PCGF3: variants seen among roughly 807,000 people sequenced by gnomAD.
The protein encoded by PCGF3 is polycomb group RING finger protein 3.
PCGF3 carries 7 observed loss-of-function variants against 33.1 expected under a neutral mutation model. That is an observed-to-expected ratio of 0.21 (90% CI 0.12 to 0.40). PCGF3 has a LOEUF of 0.40. Among genes scored for constraint, PCGF3 ranks in the 10% least tolerant of loss-of-function variants. PCGF3 has a pLI of 1.00. For synonymous variants in PCGF3, 153 were observed against 121.3 expected (o/e 1.26, Z -1.72); for missense variants, 211 against 313.3 (o/e 0.67, Z 2.46).
At chr4:714,901 G>A (rs954293145) in intron 1 of PCGF3, among the ~76,000 whole-genome samples, 1 of 152,266 alleles carries the variant, frequency 6.6e-6, no homozygotes, top group Non-Finnish European at 1.5e-5. Flanking sequence ...TAACAGAACT[G>A]GGCGTCGGTT....
intron 1 of PCGF3, among the ~76,000 whole-genome samples, chr4:723,115 G>A (rs1477322317): frequency 3.7e-5 from 5 of 134,124 alleles, no homozygotes; most frequent in Admixed American, 2.3e-4. Context: ...TCGCGTCATC[G>A]CCGTCCGTGC....
At chr4:753,580 T>C (rs962338695) in intron 8 of PCGF3, among the ~76,000 whole-genome samples, 1 of 150,570 alleles carries the variant, frequency 6.6e-6, no homozygotes, top group Non-Finnish European at 1.5e-5. Flanking sequence ...GAGGCAGAGC[T>C]TGCAGTGAGC....
intron 8 of PCGF3, among the ~76,000 whole-genome samples, chr4:752,588 G>C (rs1385470618): frequency 6.6e-6 from 1 of 152,196 alleles, no homozygotes; most frequent in Non-Finnish European, 1.5e-5. Flanking sequence ...GGAGTGAGGT[G>C]GGGGACGGGC....
At chr4:738,169 G>A (rs1432188536) in intron 6 of PCGF3, among the ~76,000 whole-genome samples, 2 of 152,244 alleles carry the variant, frequency 1.3e-5, no homozygotes, top group East Asian at 1.9e-4. Flanking sequence ...AAGGCAGATA[G>A]AGAAGCTGAG....
exon 11 of PCGF3, chr4:767,314 A>T (rs1486106858): frequency 4.1e-5 from 6 of 146,936 alleles, no homozygotes; most frequent in Non-Finnish European, 6.0e-5. Context: ...CCACACACAC[A>T]TTTTTTTTTT....
At chr4:749,603 C>A (rs1351228197) in intron 8 of PCGF3, among the ~76,000 whole-genome samples, 1 of 146,300 alleles carries the variant, frequency 6.8e-6, no homozygotes, top group Non-Finnish European at 1.5e-5. Context: ...TCTCCTGCTT[C>A]AGCCTCCTAA....
chr4:744,202 G>A (rs545426590), intron 7 of PCGF3, among the ~76,000 whole-genome samples: 5 of 152,328 alleles, frequency 3.3e-5, no homozygotes, highest in Non-Finnish European at 7.3e-5. Context: ...TACCTGAGGG[G>A]AAGTTTTCAT....
rs977407932 is a variant in PCGF3 at position 720,649 on chromosome 4, G to A, written c.-189-9981G>A. ...GTGACGTGCGTGTGGACCCGGGGTG[G>A]ACGGGCGGTGACGTGCGTGTGGACC... On this transcript the variant is annotated intron_variant, in intron 1 of 10. Coordinates refer to ENST00000362003, the Ensembl canonical transcript of PCGF3. The surrounding 1 kb of genome is among the most constrained non-coding windows in gnomAD (Gnocchi z 5.6). 5.9e-4 allele frequency among the ~76,000 whole-genome samples: 89 copies of A among 151,438 alleles called. 1 individual carries two copies. The highest frequency in any genetic ancestry group is 2.1e-3 in the African/African-American group (88 of 41,222).
chr4:766,090 A>G (rs1182533539), exon 11 of PCGF3: 2 of 1,613,404 alleles, frequency 1.2e-6, no homozygotes, highest in Non-Finnish European at 1.7e-6. Context: ...ATGGTGCCAC[A>G]CAGCGCCCAC....
At chr4:741,527 C>T (rs1470139089) in intron 6 of PCGF3, among the ~76,000 whole-genome samples, 3 of 152,208 alleles carry the variant, frequency 2.0e-5, no homozygotes, top group Non-Finnish European at 4.4e-5. Flanking sequence ...CTGTCTCAGC[C>T]TCCTGAGTAG....
exon 11 of PCGF3, chr4:766,187 T>C: frequency 1.2e-6 from 1 of 812,756 alleles, no homozygotes. Flanking sequence ...GACTTCTGAA[T>C]AGAGAATATT....
chr4:751,255 C>T lies in PCGF3; in HGVS notation c.462+6567C>T, dbSNP rs112669666. On this transcript the variant is annotated intron_variant, in intron 8 of 10. Coordinates refer to ENST00000362003, the Ensembl canonical transcript of PCGF3. ...GTCTTCCAAAACTTGGGAAGTCATC[C>T]GAGGGTTTGTTCCAGATTGTTTTGG... Among the ~76,000 whole-genome samples, 53 of 152,200 alleles carry T rather than the reference C, an allele frequency of 3.5e-4. 1 individual carries two copies. The highest frequency in any genetic ancestry group is 1.2e-3 in the African/African-American group (51 of 41,508).
chr4:726,531 T>A (rs1454159579), intron 1 of PCGF3, among the ~76,000 whole-genome samples: 1 of 152,202 alleles, frequency 6.6e-6, no homozygotes, highest in Non-Finnish European at 1.5e-5. Context: ...TAACTCAGGG[T>A]GCTTATCTTT....
chr4:768,316 C>T (rs1014156670), exon 11 of PCGF3: 2 of 152,604 alleles, frequency 1.3e-5, no homozygotes, highest in Non-Finnish European at 2.9e-5. Flanking sequence ...GACCTTGCAG[C>T]CTTAGTCGTT....
exon 11 of PCGF3, chr4:769,114 A>C (rs753597051): frequency 6.5e-6 from 1 of 152,710 alleles, no homozygotes; most frequent in Non-Finnish European, 1.5e-5. Flanking sequence ...GGGCCACCTC[A>C]GTCCTGCCTG....
intron 6 of PCGF3, among the ~76,000 whole-genome samples, chr4:738,157 C>CA (rs1388636355): frequency 6.6e-6 from 1 of 152,242 alleles, no homozygotes; most frequent in Non-Finnish European, 1.5e-5. Flanking sequence ...TCAGACCTTT[C>CA]AAAGGCAGAT....
intron 1 of PCGF3, among the ~76,000 whole-genome samples, chr4:706,256 G>C (rs1742294326): frequency 6.6e-6 from 1 of 151,082 alleles, no homozygotes; most frequent in African/African-American, 2.4e-5. Flanking sequence ...GCAGGACGCA[G>C]GGAGGGCAAG....
chr4:728,374 C>G (rs549716958), intron 1 of PCGF3, among the ~76,000 whole-genome samples: 410 of 151,182 alleles, frequency 2.7e-3, no homozygotes, highest in African/African-American at 9.7e-3. Flanking sequence ...GTGGCGTGCA[C>G]AGCGTGTTAA....
chr4:715,712 A>G (rs1412056292), intron 1 of PCGF3, among the ~76,000 whole-genome samples: 5 of 115,964 alleles, frequency 4.3e-5, no homozygotes, highest in Admixed American at 8.6e-5. Flanking sequence ...GGGACCCTGT[A>G]GACACTGAGT....
Sources: gnomAD v4.1 joint callset for allele counts (sites outside exome capture counted in the v4.1 genomes callset) on GRCh38, gnomAD v4.1.1 for gene constraint, Gnocchi (gnomAD v3.1) non-coding constraint, MANE v1.5 for transcripts, NCBI Gene and HGNC (gene_info 2026-07-23, HGNC 2026-07-21) for gene names.